The following CPS1 variants were observed in gnomAD, a reference collection of about 807,000 sequenced individuals.
CPS1 encodes the protein carbamoyl-phosphate synthase 1.
Under a neutral mutation model 174.6 loss-of-function variants are expected in CPS1, and 109 were observed. The observed-to-expected ratio is 0.62, with a 90% CI of 0.53 to 0.73. CPS1 has a LOEUF of 0.73. Ranked by LOEUF, CPS1 falls within the 30% of genes least tolerant of loss-of-function variation. The pLI is 0.00. For missense variants in CPS1, 1,689 were observed against 1,821.9 expected (o/e 0.93, Z 1.33); for synonymous variants, 637 against 632.0 (o/e 1.01, Z -0.12).
upstream of CPS1, chr2:210,555,776 C>T (rs566017507): frequency 1.5e-4 from 64 of 415,396 alleles, no homozygotes; most frequent in Middle Eastern, 6.9e-4. Context: ...GCCAGTGAGG[C>T]CCCTTGAGAG....
upstream of CPS1, among the ~76,000 whole-genome samples, chr2:210,554,162 T>C (rs1034866316): frequency 1.3e-4 from 17 of 127,964 alleles, no homozygotes; most frequent in African/African-American, 2.8e-4. Context: ...TACACACACA[T>C]ATACATATGT....
intron 20 of CPS1, among the ~76,000 whole-genome samples, chr2:210,613,862 G>A (rs1699214588): frequency 6.6e-6 from 1 of 151,932 alleles, no homozygotes; most frequent in East Asian, 1.9e-4. Flanking sequence ...TCGAGTGCTG[G>A]GAGAAGGAAC....
chr2:210,532,296 C>T (rs535230765), intron 1 of CPS1, among the ~76,000 whole-genome samples: 3 of 152,194 alleles, frequency 2.0e-5, no homozygotes, highest in African/African-American at 4.8e-5. Context: ...TAGTCTTTGA[C>T]CTTGGAGCTA....
intron 1 of CPS1, among the ~76,000 whole-genome samples, chr2:210,488,876 TA>T (rs539509753): frequency 1.3e-4 from 19 of 150,060 alleles, no homozygotes; most frequent in East Asian, 3.9e-4. Flanking sequence ...TATTATAAAG[TA>T]AAAAAAAAAT....
chr2:210,485,088 G>A (rs1171477378), intron 1 of CPS1, among the ~76,000 whole-genome samples: 7 of 151,810 alleles, frequency 4.6e-5, no homozygotes, highest in East Asian at 1.9e-4. Context: ...AAAATTAGCC[G>A]GGCATGGTGG....
rs557919348 is a variant in CPS1, at chr2:210,541,939, A to G, written c.4-14780A>G. ...ATGCCACCCGTTTGATTTCAGTACC[A>G]ACTGCTGTGGCCACATCTAGACCAC... On this transcript the variant is annotated intron_variant, in intron 1 of 38. Coordinates refer to the CPS1 transcript ENST00000430249. Among the ~76,000 whole-genome samples the G allele has an allele frequency of 2.0e-5, 3 of 152,224 alleles. No individual in the cohort carries two copies. The South Asian group carries it at 6.2e-4, about 32-fold the overall frequency.
At chr2:210,644,358 G>C (rs1700313164) in intron 25 of CPS1, among the ~76,000 whole-genome samples, 1 of 152,016 alleles carries the variant, frequency 6.6e-6, no homozygotes, top group African/African-American at 2.4e-5. Context: ...ATTAATGACA[G>C]ACATTAATTA....
At chr2:210,514,667 A>G (rs902761336) in intron 1 of CPS1, among the ~76,000 whole-genome samples, 1 of 151,492 alleles carries the variant, frequency 6.6e-6, no homozygotes, top group Non-Finnish European at 1.5e-5. Context: ...GATGCCTTTT[A>G]TTTCCTTATC....
intron 37 of CPS1, 114 bp downstream of exon 37, chr2:210,677,250 T>C (rs1701565587): frequency 9.2e-7 from 1 of 1,088,596 alleles, no homozygotes; most frequent in Non-Finnish European, 1.4e-6. Flanking sequence ...ACTTTCAGAA[T>C]AGAGAGGAAT....
intron 23 of CPS1, 139 bp downstream of exon 23, chr2:210,639,354 T>G: frequency 1.4e-6 from 1 of 690,068 alleles, no homozygotes; most frequent in South Asian, 1.6e-5. Flanking sequence ...GGCTCACGCC[T>G]GTAATCCCAG....
chr2:210,606,903 AC>A lies in CPS1; in HGVS notation c.2155del (p.Leu719CysfsTer25), dbSNP rs1417519715. 1 of 1,612,398 alleles carries A rather than the reference AC, an allele frequency of 6.2e-7. No homozygotes were observed. Among genetic ancestry groups the A allele is most frequent in the Non-Finnish European group, 8.5e-7 (1 of 1,179,042 alleles). ...EYCIIEVNAR[L>X]SRSSALASKA... ...ACTGCATCATTGAAGTGAATGCCAG[AC>A]TGTCCCGAAGCTCTGCTCTGGCCTC... On this transcript the variant is annotated frameshift_variant, in exon 18 of 38. Coordinates refer to ENST00000233072, the MANE Select transcript of CPS1 (RefSeq NM_001875.5). LOFTEE classifies it high-confidence loss of function.
intron 1 of CPS1, among the ~76,000 whole-genome samples, chr2:210,541,781 A>G (rs1224897286): frequency 6.6e-6 from 1 of 152,206 alleles, no homozygotes; most frequent in Non-Finnish European, 1.5e-5. Context: ...ACTGCTTTGT[A>G]ATGTAATGAT....
chr2:210,616,789 A>C (rs1699327025), intron 21 of CPS1, among the ~76,000 whole-genome samples: 1 of 151,922 alleles, frequency 6.6e-6, no homozygotes, highest in South Asian at 2.1e-4. Flanking sequence ...CAGACATAGT[A>C]ATAAGGTCTT....
chr2:210,603,864 C>T (rs1698811631), intron 16 of CPS1, among the ~76,000 whole-genome samples: 2 of 151,794 alleles, frequency 1.3e-5, no homozygotes, highest in African/African-American at 4.8e-5. Flanking sequence ...TTAAAAGCTG[C>T]ATTAACTTAT....
chr2:210,603,095 G>T (rs1010731332), intron 16 of CPS1, among the ~76,000 whole-genome samples: 3 of 152,008 alleles, frequency 2.0e-5, no homozygotes, highest in East Asian at 2.0e-4. Context: ...ATAGAACAGT[G>T]CCTGGAAATA....
intron 21 of CPS1, among the ~76,000 whole-genome samples, chr2:210,629,615 A>G (rs1258345957): frequency 1.3e-5 from 2 of 150,732 alleles, no homozygotes; most frequent in African/African-American, 4.9e-5. Flanking sequence ...GCGCCCAGCC[A>G]GAACACTTTC....
chr2:210,674,638 T>C, intron 34 of CPS1: 1 of 491,098 alleles, frequency 2.0e-6, no homozygotes. Flanking sequence ...AAAGACCAAG[T>C]AGATTAAATA....
At chr2:210,658,573 C>A in intron 30 of CPS1, 26 bp from the exon 31 acceptor site, 1 of 1,595,700 alleles carries the variant, frequency 6.3e-7, no homozygotes, top group Non-Finnish European at 8.6e-7. Flanking sequence ...CTTTAGCACA[C>A]TATACGATTA....
At chr2:210,618,415 G>A (rs1699390605) in intron 21 of CPS1, 1 of 152,066 alleles carries the variant, frequency 6.6e-6, no homozygotes, top group African/African-American at 2.4e-5. Flanking sequence ...GGAGGTTGAA[G>A]TGTCTATTAT....
Sources: allele counts gnomAD v4.1 joint callset (sites outside exome capture counted in the v4.1 genomes callset), GRCh38; gene constraint gnomAD v4.1.1; transcripts MANE v1.5; gene names NCBI Gene and HGNC (gene_info 2026-07-23, HGNC 2026-07-21).